Variants in ABL1 observed in about 807,000 individuals in gnomAD.
ABL1 encodes the protein tyrosine-protein kinase ABL1.
ABL1 carries 11 observed loss-of-function variants against 94.7 expected under a neutral mutation model. The observed-to-expected ratio is 0.12, with a 90% CI of 0.07 to 0.19. The LOEUF is 0.19. Ranked by LOEUF, ABL1 falls within the 10% of genes least tolerant of loss-of-function variation. ABL1 has a pLI of 1.00. For missense variants in ABL1, 1,082 were observed against 1,489.4 expected, an observed-to-expected ratio of 0.73 and a Z score of 4.50; for synonymous variants, 656 against 622.4, an observed-to-expected ratio of 1.05 and a Z score of -0.80.
At chr9:130,824,564 T>C (rs1350106023) in intron 1 of ABL1, among the ~76,000 whole-genome samples, 2 of 152,194 alleles carry the variant, frequency 1.3e-5, no homozygotes, top group Non-Finnish European at 2.9e-5. Context: ...ACTTAGGGAA[T>C]ATGAAAATAA....
intron 1 of ABL1, among the ~76,000 whole-genome samples, chr9:130,805,527 T>C (rs1299883049): frequency 6.6e-6 from 1 of 152,172 alleles, no homozygotes; most frequent in African/African-American, 2.4e-5. Flanking sequence ...AGAACAATTG[T>C]TTATGATTGA....
chr9:130,773,768 AT>A, intron 1 of ABL1, among the ~76,000 whole-genome samples: 1 of 151,712 alleles, frequency 6.6e-6, no homozygotes, highest in Non-Finnish European at 1.5e-5. Flanking sequence ...GACATGAGCC[AT>A]TGTGCCCGGC....
intron 1 of ABL1, among the ~76,000 whole-genome samples, chr9:130,815,882 CG>C (rs1404509064): frequency 6.6e-6 from 1 of 151,936 alleles, no homozygotes; most frequent in Non-Finnish European, 1.5e-5. Flanking sequence ...ATTAGCTGGG[CG>C]TGATGGCGCC....
intron 1 of ABL1, among the ~76,000 whole-genome samples, chr9:130,769,152 A>T (rs1221731851): frequency 6.6e-6 from 1 of 152,184 alleles, no homozygotes; most frequent in African/African-American, 2.4e-5. Context: ...TGCTTGTTGT[A>T]TAGTTAGATC....
At chr9:130,727,918 AC>A (rs1303939824) in intron 1 of ABL1, among the ~76,000 whole-genome samples, 2 of 152,082 alleles carry the variant, frequency 1.3e-5, no homozygotes, top group African/African-American at 4.8e-5. Context: ...GATCAATAAA[AC>A]CAAAAGCTAA....
intron 1 of ABL1, among the ~76,000 whole-genome samples, chr9:130,851,984 G>T (rs1830874307): frequency 6.6e-6 from 1 of 151,756 alleles, no homozygotes; most frequent in Admixed American, 6.6e-5. Flanking sequence ...TTGCCATGTT[G>T]GCCAGGCTGG....
intron 1 of ABL1, among the ~76,000 whole-genome samples, chr9:130,836,230 C>T (rs1358937919): frequency 6.6e-6 from 1 of 152,180 alleles, no homozygotes; most frequent in Non-Finnish European, 1.5e-5. Flanking sequence ...ATGTTCGTTT[C>T]CTTAAGTGAA....
intron 4 of ABL1, among the ~76,000 whole-genome samples, chr9:130,867,292 A>G (rs937341056): frequency 6.6e-6 from 1 of 152,076 alleles, no homozygotes. Context: ...TGTCCACATC[A>G]TGTGTCTTGG....
At chr9:130,796,429 T>G (rs118115079) in intron 1 of ABL1, among the ~76,000 whole-genome samples, 7,252 of 152,076 alleles carry the variant, frequency 0.048, 231 homozygotes, top group South Asian at 0.092. Context: ...AAAAATCACT[T>G]AAATCTGAGA....
chr9:130,786,470 A>G (rs1349153751), intron 1 of ABL1, among the ~76,000 whole-genome samples: 2 of 152,218 alleles, frequency 1.3e-5, no homozygotes, highest in Non-Finnish European at 2.9e-5. Context: ...TCTTAGCAGT[A>G]TCTACTTTTT....
Position 130,769,329 on chromosome 9 carries a change from C to CTTT in ABL1, c.136+54894_136+54896dup, listed in dbSNP as rs372838676. On this transcript the variant is annotated intron_variant, in intron 1 of 10. Coordinates refer to the ABL1 transcript ENST00000372348. ...TGGAGAGCCAAACTATGGCCCTAGTCTTTTTTTTTTTTTTTTTTTTTTGAG... is the reference window on the plus strand; with the variant it reads ...TGGAGAGCCAAACTATGGCCCTAGTCTTTTTTTTTTTTTTTTTTTTTTTTTGAG... Among the ~76,000 whole-genome samples, 795 of 84,290 alleles carry CTTT rather than the reference C, an allele frequency of 9.4e-3. 32 individuals are homozygous for CTTT. The highest frequency in any genetic ancestry group is 0.013 in the Non-Finnish European group (573 of 43,894). 55.3% of individuals were successfully genotyped at this position (84,290 alleles called of 152,430 possible).
chr9:130,819,556 G>A (rs1422469603), intron 1 of ABL1, among the ~76,000 whole-genome samples: 1 of 32,586 alleles, frequency 3.1e-5, no homozygotes, highest in Admixed American at 3.4e-4. Flanking sequence ...TTTTTTTTTT[G>A]GAGACGGAGC....
chr9:130,857,868 C>CT (rs762475333), intron 3 of ABL1, among the ~76,000 whole-genome samples: 2 of 152,014 alleles, frequency 1.3e-5, no homozygotes, highest in Non-Finnish European at 2.9e-5. Context: ...TGTCAGCTTG[C>CT]TTTTTGGGTT....
chr9:130,818,914 C>T (rs1189956167), intron 1 of ABL1, among the ~76,000 whole-genome samples: 3 of 152,198 alleles, frequency 2.0e-5, no homozygotes, highest in African/African-American at 4.8e-5. Context: ...CTAACACCTG[C>T]AGGCAGAACT....
chr9:130,809,646 C>G (rs999384302), intron 1 of ABL1, among the ~76,000 whole-genome samples: 1 of 152,158 alleles, frequency 6.6e-6, no homozygotes, highest in East Asian at 1.9e-4. Flanking sequence ...GTTGATGTCC[C>G]AGTTCGAAGG....
intron 1 of ABL1, among the ~76,000 whole-genome samples, chr9:130,809,403 AGAGAGAGAGAGAGAGTGTGT>A (rs1158759497): frequency 5.3e-5 from 7 of 131,468 alleles, no homozygotes; most frequent in Admixed American, 4.8e-4. Flanking sequence ...AGAGAGAGAG[AGAGAGAGAGAGAGAGTGTGT>A]GTGTGTGTGT....
chr9:130,805,998 A>G (rs1588245607), intron 1 of ABL1, among the ~76,000 whole-genome samples: 1 of 152,230 alleles, frequency 6.6e-6, no homozygotes, highest in Admixed American at 6.5e-5. Context: ...GAATTATACC[A>G]GTCAGAGAGA....
intron 1 of ABL1, among the ~76,000 whole-genome samples, chr9:130,764,942 C>T (rs753944442): frequency 7.0e-6 from 1 of 143,082 alleles, no homozygotes; most frequent in Non-Finnish European, 1.5e-5. Flanking sequence ...GGTGACAGAG[C>T]AAGACTGTCT....
intron 1 of ABL1, among the ~76,000 whole-genome samples, chr9:130,820,888 A>G (rs1388409563): frequency 1.3e-5 from 2 of 152,054 alleles, no homozygotes; most frequent in Non-Finnish European, 2.9e-5. Context: ...AATGATTTCT[A>G]CTAAATTTAT....
Sources: allele counts gnomAD v4.1 joint callset (sites outside exome capture counted in the v4.1 genomes callset), GRCh38; gene constraint gnomAD v4.1.1; transcripts MANE v1.5; gene names NCBI Gene and HGNC (gene_info 2026-07-23, HGNC 2026-07-21).